TMEM196: variants seen among roughly 807,000 people sequenced by gnomAD.
TMEM196 encodes transmembrane protein 196.
TMEM196 carries 17 observed loss-of-function variants against 20.0 expected under a neutral mutation model. That is an observed-to-expected ratio of 0.85 (90% confidence interval 0.58 to 1.27). The LOEUF (loss-of-function observed/expected upper bound fraction) is 1.27, where lower values mean the gene tolerates loss of function less well. Among genes scored for constraint, TMEM196 ranks in the 50% most tolerant of loss-of-function variants. The pLI, the probability that TMEM196 is intolerant of heterozygous loss-of-function variation, is 0.00. For missense variants in TMEM196, 267 were observed against 223.0 expected (o/e 1.20, Z -1.26); for synonymous variants, 113 against 88.9 (o/e 1.27, Z -1.52).
intron 1 of TMEM196, among the ~76,000 whole-genome samples, chr7:19,762,074 G>C (rs1342700344): frequency 6.6e-6 from 1 of 152,096 alleles, no homozygotes; most frequent in Non-Finnish European, 1.5e-5. Flanking sequence ...TGTTAGAGCT[G>C]TTTCTGCTTC....
chr7:19,732,581 A>AC (rs1391096659), intron 1 of TMEM196, among the ~76,000 whole-genome samples: 103 of 148,790 alleles, frequency 6.9e-4, no homozygotes, highest in Middle Eastern at 6.9e-3. Flanking sequence ...TCAAAAAAAA[A>AC]AAACAAAAAA....
intron 1 of TMEM196, among the ~76,000 whole-genome samples, chr7:19,755,742 A>G (rs901739600): frequency 6.6e-6 from 1 of 152,204 alleles, no homozygotes; most frequent in Non-Finnish European, 1.5e-5. Context: ...GCAAAACAAA[A>G]TGTGAGGCCA....
At chr7:19,736,497 C>T (rs1362651301) in intron 1 of TMEM196, among the ~76,000 whole-genome samples, 4 of 150,516 alleles carry the variant, frequency 2.7e-5, no homozygotes, top group Non-Finnish European at 4.4e-5. Context: ...TTTCATAATT[C>T]CTGATATTTT....
chr7:19,772,370 G>T (rs1381456240), intron 1 of TMEM196, among the ~76,000 whole-genome samples, 180 bp downstream of exon 1: 1 of 115,162 alleles, frequency 8.7e-6, no homozygotes, highest in Non-Finnish European at 1.8e-5. Flanking sequence ...AAACAAAACA[G>T]AAAACGAATA....
intron 1 of TMEM196, among the ~76,000 whole-genome samples, chr7:19,771,791 C>T (rs922633687): frequency 2.4e-4 from 36 of 152,296 alleles, no homozygotes; most frequent in African/African-American, 7.7e-4. Context: ...TTGAGTCTGA[C>T]ATCTGACCTA....
chr7:19,734,013 C>G (rs544314424), intron 1 of TMEM196, among the ~76,000 whole-genome samples: 1 of 152,270 alleles, frequency 6.6e-6, no homozygotes, highest in African/African-American at 2.4e-5. Flanking sequence ...GGAGGATACC[C>G]TCCACCCCAA....
At chr7:19,724,071 T>C (rs1783902676) in intron 4 of TMEM196, among the ~76,000 whole-genome samples, 1 of 152,148 alleles carries the variant, frequency 6.6e-6, no homozygotes. Context: ...CTGAGTATTT[T>C]ACATACTCAA....
At chr7:19,737,877 T>G (rs949351023) in intron 1 of TMEM196, among the ~76,000 whole-genome samples, 19 of 152,130 alleles carry the variant, frequency 1.2e-4, no homozygotes, top group Non-Finnish European at 2.8e-4. Context: ...TAGAACTTTA[T>G]AACACAAAAA....
chr7:19,772,689 G>T lies in TMEM196; in HGVS notation c.8C>A (p.Thr3Asn). 2 of 1,512,438 alleles carry T rather than the reference G, an allele frequency of 1.3e-6. No homozygotes were observed. The highest frequency in any genetic ancestry group is 1.8e-6 in the Non-Finnish European group (2 of 1,124,706). The allele number at this position is 1,512,438 out of a possible 1,614,324, so 93.7% of individuals were successfully genotyped here. Residue 3 changes from threonine (T) to asparagine (N), a missense_variant, in exon 1 of 5, where the codon ACC (threonine) becomes AAC (asparagine). Transcript: ENST00000405844. Reference protein sequence around the residue: MCTSGQIIGSLLV... With the variant: MCNSGQIIGSLLV... Reference sequence around the variant, plus strand: ...GAGGCTCCCAATAATCTGACCGCTGGTGCACATCCTTCCTCGGTCATCTTC... The same window carrying T: ...GAGGCTCCCAATAATCTGACCGCTGTTGCACATCCTTCCTCGGTCATCTTC...
chr7:19,744,916 A>T (rs1026942102), intron 1 of TMEM196, among the ~76,000 whole-genome samples: 2 of 152,222 alleles, frequency 1.3e-5, no homozygotes, highest in African/African-American at 4.8e-5. Context: ...ACAACAAAAC[A>T]GCAAATCAGT....
chr7:19,744,289 GC>G (rs1784674816), intron 1 of TMEM196, among the ~76,000 whole-genome samples: 1 of 151,922 alleles, frequency 6.6e-6, no homozygotes, highest in African/African-American at 2.4e-5. Context: ...ATTTTCTTAG[GC>G]CTGTGCAGTT....
At chr7:19,747,583 AT>A (rs150846773) in intron 1 of TMEM196, among the ~76,000 whole-genome samples, 1,724 of 152,268 alleles carry the variant, frequency 0.011, 36 homozygotes, top group African/African-American at 0.04. Context: ...CATTTTTTTC[AT>A]GTCATACAGC....
intron 1 of TMEM196, among the ~76,000 whole-genome samples, chr7:19,748,565 C>T (rs1435052188): frequency 6.6e-6 from 1 of 152,158 alleles, no homozygotes; most frequent in African/African-American, 2.4e-5. Flanking sequence ...AACATGTCCA[C>T]CCTCCTCTGT....
intron 1 of TMEM196, among the ~76,000 whole-genome samples, chr7:19,754,322 T>A (rs1785115411): frequency 6.6e-6 from 1 of 152,188 alleles, no homozygotes; most frequent in Non-Finnish European, 1.5e-5. Context: ...AGCCCTTGGA[T>A]CCAGAGTCCA....
Position 19,722,087 on chromosome 7 carries a change from A to G in TMEM196, c.*41T>C, listed in dbSNP as rs1482410910. ...TTTAAAACATTGATTACACTCTTCC[A>G]TTAAATATCAGCTGTGGTCCTCCAT... On this transcript the variant is annotated 3_prime_UTR_variant, in exon 5 of 5. Transcript: ENST00000405844. 1.2e-6 allele frequency: 2 copies of G among 1,610,444 alleles called. No homozygotes were observed. The highest frequency in any genetic ancestry group is 1.1e-5 in the South Asian group (1 of 90,506).
At chr7:19,731,567 C>A (rs1784203117) in intron 1 of TMEM196, among the ~76,000 whole-genome samples, 1 of 152,204 alleles carries the variant, frequency 6.6e-6, no homozygotes, top group African/African-American at 2.4e-5. Context: ...CCCATTTATC[C>A]AGAACTCATT....
At chr7:19,738,204 T>C (rs982548002) in intron 1 of TMEM196, among the ~76,000 whole-genome samples, 1 of 152,040 alleles carries the variant, frequency 6.6e-6, no homozygotes, top group Non-Finnish European at 1.5e-5. Context: ...TATACTGAAA[T>C]TGAACAATTA....
At position 19,726,061 on chromosome 7, in the gene TMEM196, T is replaced by C. The variant is rs186642709; in HGVS notation, c.205-293A>G. On this transcript the variant is annotated intron_variant, in intron 2 of 4. Coordinates refer to ENST00000405844, the MANE Select transcript of TMEM196 (RefSeq NM_001363562.2). ...ATGAAAACTCTGAAGCAAACAAAAT[T>C]TATCGTCTAGGTAGATTCAGATTTA... is the stretch of plus-strand genomic sequence containing the variant. Among the ~76,000 whole-genome samples the C allele has an allele frequency of 3.3e-4, 51 of 152,300 alleles. No homozygotes were observed. The East Asian group carries it at 8.9e-3, about 26-fold the overall frequency.
At chr7:19,740,602 C>G (rs958249405) in intron 1 of TMEM196, among the ~76,000 whole-genome samples, 1 of 152,066 alleles carries the variant, frequency 6.6e-6, no homozygotes, top group African/African-American at 2.4e-5. Context: ...TTAAAAAATA[C>G]TAACAAAAAC....
Sources: allele counts gnomAD v4.1 joint callset (sites outside exome capture counted in the v4.1 genomes callset), GRCh38; gene constraint gnomAD v4.1.1; transcripts MANE v1.5; gene names NCBI Gene and HGNC (gene_info 2026-07-23, HGNC 2026-07-21).